Variants in PCDHGA8 observed in about 807,000 individuals in gnomAD.
The protein encoded by PCDHGA8 is protocadherin gamma subfamily A, 8, also known as protocadherin gamma-A8.
In PCDHGA8, 45 loss-of-function variants were observed where a neutral mutation model predicts 59.2. That is an observed-to-expected ratio of 0.76 (90% CI 0.60 to 0.98). The LOEUF is 0.98. Among genes scored for constraint, PCDHGA8 ranks in the 50% least tolerant of loss-of-function variants. The pLI is 0.00. For missense variants in PCDHGA8, 1,257 were observed against 1,196.2 expected, an observed-to-expected ratio of 1.05 and a Z score of -0.75; for synonymous variants, 531 against 519.0, an observed-to-expected ratio of 1.02 and a Z score of -0.32.
chr5:141,509,477 G>A (rs753058277), intron 3 of PCDHGA8, among the ~76,000 whole-genome samples: 7 of 152,166 alleles, frequency 4.6e-5, no homozygotes, highest in African/African-American at 7.2e-5. Context: ...CAGGTGAGGG[G>A]TAGAGGTGAT....
At chr5:141,410,535 A>T (rs2095405545) in intron 1 of PCDHGA8, 9 of 1,613,752 alleles carry the variant, frequency 5.6e-6, no homozygotes, top group Non-Finnish European at 7.6e-6. Context: ...TCCAATGAAG[A>T]CATGGTTTGC....
Position 141,503,868 on chromosome 5 carries a change from G to A in PCDHGA8, c.2484-1525G>A, listed in dbSNP as rs928240898. Among the ~76,000 whole-genome samples, 24 of 152,202 alleles carry A rather than the reference G, an allele frequency of 1.6e-4. No individual in the cohort carries two copies. The South Asian group carries it at 4.1e-3, about 26-fold the overall frequency. ...TTGGAAAAATTGTAAAGCAGTTCTT[G>A]GTTGTGCTCACCCACCATGACAAAA... On this transcript the variant is annotated intron_variant, in intron 2 of 3. Coordinates refer to ENST00000398604, the MANE Select transcript of PCDHGA8 (RefSeq NM_032088.2).
intron 1 of PCDHGA8, chr5:141,404,334 T>TC: frequency 6.2e-7 from 1 of 1,613,882 alleles, no homozygotes; most frequent in Non-Finnish European, 8.5e-7. Context: ...TCAGTCTACC[T>TC]CCCGGAAAAC....
At chr5:141,467,360 C>T (rs965838962) in intron 1 of PCDHGA8, among the ~76,000 whole-genome samples, 3 of 152,010 alleles carry the variant, frequency 2.0e-5, no homozygotes, top group Non-Finnish European at 4.4e-5. Context: ...GCCAAATCAA[C>T]GTTTTCTTAT....
intron 1 of PCDHGA8, 112 bp downstream of exon 1, chr5:141,395,349 CAG>C: frequency 7.2e-7 from 1 of 1,382,548 alleles, no homozygotes; most frequent in South Asian, 1.5e-5. Flanking sequence ...AGGTGTATCA[CAG>C]AGTTTTGGGT....
At chr5:141,414,118 G>C (rs559064215) in intron 1 of PCDHGA8, 1 of 1,592,490 alleles carries the variant, frequency 6.3e-7, no homozygotes, top group Admixed American at 1.8e-5. Flanking sequence ...AGATTATGAA[G>C]AAACCGGTTT....
chr5:141,419,584 C>G, intron 1 of PCDHGA8: 1 of 1,611,800 alleles, frequency 6.2e-7, no homozygotes. Context: ...CCGCGCTCTT[C>G]GACACAGTGC....
chr5:141,413,645 C>T, intron 1 of PCDHGA8: 9 of 1,613,834 alleles, frequency 5.6e-6, no homozygotes, highest in Non-Finnish European at 7.6e-6. Context: ...ATGCGTTTTC[C>T]TCTCCCGGAA....
rs1446853595 is a variant in PCDHGA8 at position 141,491,363 on chromosome 5, C to A, written c.2425-3444C>A. The A allele has an allele frequency of 1.2e-6, 2 of 1,614,182 alleles. No homozygotes were observed. Among genetic ancestry groups the A allele is most frequent in the South Asian group, 2.2e-5 (2 of 91,082 alleles). On this transcript the variant is annotated intron_variant, in intron 1 of 3. Coordinates refer to ENST00000398604, the MANE Select transcript of PCDHGA8 (RefSeq NM_032088.2). The surrounding 1 kb of genome is among the most constrained non-coding windows in gnomAD (Gnocchi z 6.9). ...ACCGTCAGTCTCTTATCCCTAGTCA[C>A]CTTCACCTTTCTGTCAGCGAAGTGC...
chr5:141,419,981 A>G (rs2096455772), intron 1 of PCDHGA8: 2 of 1,613,934 alleles, frequency 1.2e-6, no homozygotes, highest in East Asian at 2.2e-5. Flanking sequence ...CCTCGCGGTG[A>G]TTCTAGCTAT....
intron 1 of PCDHGA8, chr5:141,408,227 C>G (rs771279344): frequency 1.9e-6 from 3 of 1,562,978 alleles, no homozygotes; most frequent in East Asian, 2.4e-5. Context: ...CGCGCAGAGG[C>G]GCCGGGCCGG....
Position 141,510,999 on chromosome 5 carries a change from G to C in PCDHGA8, c.2625G>C (p.Leu875Phe). Residue 875 changes from leucine (L) to phenylalanine (F), a missense_variant, in exon 4 of 4, where the codon TTG (leucine) becomes TTC (phenylalanine). Coordinates refer to ENST00000398604, the MANE Select transcript of PCDHGA8 (RefSeq NM_032088.2). ...GAGGGGGTGCCGGCACCATGGGATT[G>C]AGCGCCCGCTACGGACCCCAGTTCA... ...TLGGGAGTMG[L>F]SARYGPQFTL... 6.2e-7 allele frequency: 1 copy of C among 1,614,144 alleles called. No homozygotes were observed. Among genetic ancestry groups the C allele is most frequent in the Non-Finnish European group, 8.5e-7 (1 of 1,180,008 alleles).
intron 1 of PCDHGA8, chr5:141,427,747 C>A (rs2097063869): frequency 1.6e-6 from 2 of 1,277,502 alleles, no homozygotes; most frequent in Non-Finnish European, 2.2e-6. Flanking sequence ...GTCTCCTACT[C>A]CATCGTTACC....
intron 1 of PCDHGA8, chr5:141,398,901 C>T: frequency 9.9e-6 from 16 of 1,613,954 alleles, no homozygotes; most frequent in Non-Finnish European, 1.3e-5. Flanking sequence ...TGCCACCAGG[C>T]ACCACTGTGT....
intron 1 of PCDHGA8, among the ~76,000 whole-genome samples, chr5:141,470,877 T>C (rs1438812002): frequency 1.3e-5 from 2 of 151,808 alleles, no homozygotes; most frequent in Non-Finnish European, 2.9e-5. Context: ...TTTGTTTTTT[T>C]GTTTTTGTTT....
Position 141,487,532 on chromosome 5 carries a change from A to C in PCDHGA8, c.2425-7275A>C. 6.2e-7 allele frequency: 1 copy of C among 1,614,158 alleles called. No homozygotes were observed. Among genetic ancestry groups the C allele is most frequent in the Non-Finnish European group, 8.5e-7 (1 of 1,180,022 alleles). On this transcript the variant is annotated intron_variant, in intron 1 of 3. Transcript: ENST00000398604. This position sits in a 1 kb window ranked among gnomAD's most constrained non-coding sequence, Gnocchi z 5.0. Reference sequence around the variant, plus strand: ...ACCCACTCGGAGTGATAGCTTCATGATGGTGAAGTCACCCAGTGCACCTAT... The same window carrying C: ...ACCCACTCGGAGTGATAGCTTCATGCTGGTGAAGTCACCCAGTGCACCTAT...
chr5:141,500,084 C>T (rs1354544132), intron 2 of PCDHGA8, among the ~76,000 whole-genome samples: 1 of 152,030 alleles, frequency 6.6e-6, no homozygotes, highest in Non-Finnish European at 1.5e-5. Flanking sequence ...CCTCCATCTT[C>T]CATTTTTGCA....
rs1221295650 is a variant in PCDHGA8 at position 141,489,576 on chromosome 5, C to A, written c.2425-5231C>A. 3 of 1,613,936 alleles carry A rather than the reference C, an allele frequency of 1.9e-6. No individual in the cohort carries two copies. Among genetic ancestry groups the A allele is most frequent in the Non-Finnish European group, 2.5e-6 (3 of 1,179,984 alleles). ...TGCCAGTGCAGGTGGTGACTGAACA[C>A]CCCCTGGAGCTAATCCGTGTAGAGG... On this transcript the variant is annotated intron_variant, in intron 1 of 3. Transcript: ENST00000398604. This position sits in a 1 kb window ranked among gnomAD's most constrained non-coding sequence, Gnocchi z 4.5.
At chr5:141,409,747 C>A in intron 1 of PCDHGA8, 3 of 1,612,994 alleles carry the variant, frequency 1.9e-6, no homozygotes, top group South Asian at 1.1e-5. Flanking sequence ...GGGTGGTGTT[C>A]GCGCAGCGCG....
Sources: allele counts gnomAD v4.1 joint callset (sites outside exome capture counted in the v4.1 genomes callset), GRCh38; gene constraint gnomAD v4.1.1; non-coding constraint Gnocchi (gnomAD v3.1); transcripts MANE v1.5; gene names NCBI Gene and HGNC (gene_info 2026-07-23, HGNC 2026-07-21).